CBX1: variants seen among roughly 807,000 people sequenced by gnomAD.
CBX1 encodes the protein chromobox protein homolog 1.
A neutral mutation model predicts 25.1 loss-of-function variants in CBX1; 10 were observed. The observed-to-expected ratio is 0.40, with a 90% confidence interval of 0.25 to 0.68. The LOEUF (loss-of-function observed/expected upper bound fraction) is 0.68, where lower values mean the gene tolerates loss of function less well. Among genes scored for constraint, CBX1 ranks in the 30% least tolerant of loss-of-function variants. CBX1 has a pLI of 0.40. For synonymous variants in CBX1, 63 were observed against 79.4 expected (o/e 0.79, Z 1.10); for missense variants, 106 against 218.5 (o/e 0.49, Z 3.25).
At chr17:48,086,353 C>A (rs1333107957) in intron 1 of CBX1, among the ~76,000 whole-genome samples, 4 of 152,140 alleles carry the variant, frequency 2.6e-5, no homozygotes, top group Admixed American at 6.6e-5. Context: ...TGAAAGGGTA[C>A]GAGAAGGCTT....
At chr17:48,091,707 AAT>A (rs1420307648) in intron 1 of CBX1, among the ~76,000 whole-genome samples, 3 of 151,180 alleles carry the variant, frequency 2.0e-5, no homozygotes, top group East Asian at 3.9e-4. Context: ...ATGCCCAGCT[AAT>A]TTTTTGAATT....
chr17:48,085,088 CAAAG>C (rs1598309915), intron 1 of CBX1, among the ~76,000 whole-genome samples: 2 of 152,140 alleles, frequency 1.3e-5, no homozygotes, highest in African/African-American at 2.4e-5. Context: ...ATATTGTAAA[CAAAG>C]AAATCTAGCA....
chr17:48,093,007 T>C (rs1598315392), intron 1 of CBX1, among the ~76,000 whole-genome samples: 1 of 143,094 alleles, frequency 7.0e-6, no homozygotes, highest in South Asian at 2.2e-4. Context: ...GAGGCAGAGG[T>C]TGCAGTGAGC....
At chr17:48,084,040 G>A (rs1451502690) in intron 1 of CBX1, among the ~76,000 whole-genome samples, 4 of 149,678 alleles carry the variant, frequency 2.7e-5, no homozygotes, top group Non-Finnish European at 4.4e-5. Context: ...TGCCCAGTAC[G>A]GTGGCCTGAT....
chr17:48,093,317 G>C (rs956370649), intron 1 of CBX1, among the ~76,000 whole-genome samples: 1 of 150,552 alleles, frequency 6.6e-6, no homozygotes, highest in African/African-American at 2.4e-5. Flanking sequence ...CAGAAGACAG[G>C]TCTCGAAAAA....
chr17:48,091,386 T>C (rs959266060), intron 1 of CBX1, among the ~76,000 whole-genome samples: 2 of 152,162 alleles, frequency 1.3e-5, no homozygotes, highest in African/African-American at 4.8e-5. Context: ...AGCTTTTTTT[T>C]TTTTAAGATG....
At chr17:48,082,655 C>T (rs1272286301) in intron 1 of CBX1, among the ~76,000 whole-genome samples, 1 of 149,194 alleles carries the variant, frequency 6.7e-6, no homozygotes, top group East Asian at 1.9e-4. Flanking sequence ...TCTTCCTTAG[C>T]CTCCCGAGTA....
chr17:48,090,119 T>C (rs2063336638), intron 1 of CBX1, among the ~76,000 whole-genome samples: 1 of 151,898 alleles, frequency 6.6e-6, no homozygotes, highest in Admixed American at 6.6e-5. Context: ...TTGGCCAGGG[T>C]GGTCTCGATC....
rs1491317204 is a variant in CBX1, at chr17:48,075,194, ACT to A, written c.319-96_319-95del. On this transcript the variant is annotated intron_variant, in intron 3 of 4. Transcript: ENST00000225603. ...GTGTCTCTGATTAATGTAATCACAAACTCTTTTTTTTTTTTTTTGAGACGGAA... is the reference window on the plus strand; with the variant it reads ...GTGTCTCTGATTAATGTAATCACAAACTTTTTTTTTTTTTTTGAGACGGAA... 6.1e-4 allele frequency: 493 copies of A among 809,564 alleles called. 4 individuals are homozygous for A. The highest frequency in any genetic ancestry group is 1.1e-3 in the South Asian group (68 of 60,970). 50.1% of individuals were successfully genotyped at this position (809,564 alleles called of 1,614,324 possible).
intron 1 of CBX1, among the ~76,000 whole-genome samples, chr17:48,078,209 TTTGAGA>T (rs2037696313): frequency 6.6e-6 from 1 of 152,134 alleles, no homozygotes; most frequent in African/African-American, 2.4e-5. Flanking sequence ...GTTTTTTTTT[TTTGAGA>T]TGGAGTCTTG....
rs200328340 is a variant in CBX1 at position 48,074,969 on chromosome 17, A to G, written c.413+37T>C. ...TCTGGCATGAAACCAATGGGAGAAGAAAAAAAACAACCACACAGAGCCACT... is the reference window on the plus strand; with the variant it reads ...TCTGGCATGAAACCAATGGGAGAAGGAAAAAAACAACCACACAGAGCCACT... On this transcript the variant is annotated intron_variant, in intron 4 of 4. Transcript: ENST00000225603. The G allele has an allele frequency of 4.3e-3, 6,193 of 1,434,698 alleles. 28 individuals are homozygous for G. The highest frequency in any genetic ancestry group is 4.7e-3 in the Non-Finnish European group (4,838 of 1,020,082). The allele number at this position is 1,434,698 out of a possible 1,614,324, so 88.9% of individuals were successfully genotyped here.
Position 48,100,047 on chromosome 17 carries a change from G to A in CBX1, c.-38+1221C>T, listed in dbSNP as rs567980954. On this transcript the variant is annotated intron_variant, in intron 1 of 4. Coordinates refer to ENST00000225603, the MANE Select transcript of CBX1 (RefSeq NM_001127228.2). ...CCAGCTAGTCGGGAGGCTGAGGCAA[G>A]AGAATCGCATGAATCCGGGAGGTGG... Among the ~76,000 whole-genome samples, 4 of 143,678 alleles carry A rather than the reference G, an allele frequency of 2.8e-5. No individual in the cohort carries two copies. The East Asian group carries it at 8.8e-4, about 32-fold the overall frequency. 94.3% of individuals were successfully genotyped at this position (143,678 alleles called of 152,430 possible). A position where few individuals can be genotyped will look rare whatever the true frequency, so the allele number is the denominator to read the frequency against.
chr17:48,078,651 G>GGCTAATTTCTA (rs2037700921), intron 1 of CBX1, among the ~76,000 whole-genome samples: 1 of 151,412 alleles, frequency 6.6e-6, no homozygotes, highest in Non-Finnish European at 1.5e-5. Context: ...CATTACGCCT[G>GGCTAATTTCTA]GCTAATTTCT....
intron 1 of CBX1, among the ~76,000 whole-genome samples, chr17:48,090,587 C>A (rs1181775386): frequency 6.6e-6 from 1 of 152,198 alleles, no homozygotes; most frequent in African/African-American, 2.4e-5. Flanking sequence ...AATTCATTTT[C>A]AACACTAGCC....
chr17:48,101,121 G>C, intron 1 of CBX1, 147 bp downstream of exon 1: 1 of 986,478 alleles, frequency 1.0e-6, no homozygotes. Context: ...AGCTCAGCGC[G>C]GGAAGCGGAG....
At chr17:48,097,461 C>T (rs2063381916) in intron 1 of CBX1, among the ~76,000 whole-genome samples, 1 of 151,638 alleles carries the variant, frequency 6.6e-6, no homozygotes, top group Admixed American at 6.6e-5. Flanking sequence ...ACTAAAAATA[C>T]AAAAATTAGC....
At chr17:48,098,342 G>C (rs962357726) in intron 1 of CBX1, among the ~76,000 whole-genome samples, 1 of 152,148 alleles carries the variant, frequency 6.6e-6, no homozygotes, top group Non-Finnish European at 1.5e-5. Flanking sequence ...TCTGCCAAAT[G>C]TCACAGACAC....
intron 4 of CBX1, among the ~76,000 whole-genome samples, chr17:48,073,633 C>G (rs2037646657): frequency 2.6e-5 from 4 of 151,908 alleles, no homozygotes; most frequent in Non-Finnish European, 4.4e-5. Context: ...TTGAGACCAG[C>G]CTGGCCAACA....
At chr17:48,078,004 A>G (rs1001731684) in intron 1 of CBX1, among the ~76,000 whole-genome samples, 5 of 152,026 alleles carry the variant, frequency 3.3e-5, no homozygotes, top group Non-Finnish European at 7.4e-5. Flanking sequence ...AAATACAAAA[A>G]TTAGCCAGTC....
Sources: gnomAD v4.1 joint callset for allele counts (sites outside exome capture counted in the v4.1 genomes callset) on GRCh38, gnomAD v4.1.1 for gene constraint, MANE v1.5 for transcripts, NCBI Gene and HGNC (gene_info 2026-07-23, HGNC 2026-07-21) for gene names.